KCNAB1: variants seen among roughly 807,000 people sequenced by gnomAD.
KCNAB1 encodes the protein potassium voltage-gated channel subfamily A regulatory beta subunit 1.
A neutral mutation model predicts 64.6 loss-of-function variants in KCNAB1; 35 were observed. The observed-to-expected ratio is 0.54, with a 90% confidence interval of 0.41 to 0.72. The LOEUF (loss-of-function observed/expected upper bound fraction) is 0.72. Among genes scored for constraint, KCNAB1 ranks in the 30% least tolerant of loss-of-function variants. The pLI, the probability that KCNAB1 is intolerant of heterozygous loss-of-function variation, is 0.00. For synonymous variants in KCNAB1, 177 were observed against 183.8 expected (o/e 0.96, Z 0.30); for missense variants, 401 against 512.9 (o/e 0.78, Z 2.11).
chr3:156,444,852 G>T (rs2108266605), intron 2 of KCNAB1, among the ~76,000 whole-genome samples: 1 of 152,302 alleles, frequency 6.6e-6, no homozygotes. Flanking sequence ...TCCCGTGATT[G>T]CCAGGGTGCA....
At chr3:156,346,009 G>T (rs1724457641) in intron 1 of KCNAB1, among the ~76,000 whole-genome samples, 1 of 151,962 alleles carries the variant, frequency 6.6e-6, no homozygotes, top group South Asian at 2.1e-4. Context: ...TAAATTAGAT[G>T]AATATTTAGC....
chr3:156,331,071 C>T (rs547851194), intron 1 of KCNAB1, among the ~76,000 whole-genome samples: 38 of 152,306 alleles, frequency 2.5e-4, no homozygotes, highest in South Asian at 1.0e-3. Flanking sequence ...GGATGTGGCT[C>T]TGCCCTCAGG....
chr3:156,259,234 T>C (rs1293528836), intron 1 of KCNAB1, among the ~76,000 whole-genome samples: 3 of 152,206 alleles, frequency 2.0e-5, no homozygotes, highest in Admixed American at 6.5e-5. Context: ...GGCACCTTGT[T>C]CTCTGCCCTG....
At chr3:156,206,522 C>T (rs1233306742) in intron 1 of KCNAB1, among the ~76,000 whole-genome samples, 1 of 152,140 alleles carries the variant, frequency 6.6e-6, no homozygotes, top group Non-Finnish European at 1.5e-5. Context: ...TCAGTGAACC[C>T]CCAAATCAGG....
chr3:156,238,675 T>C (rs1426624093), intron 1 of KCNAB1, among the ~76,000 whole-genome samples: 1 of 152,232 alleles, frequency 6.6e-6, no homozygotes, highest in East Asian at 1.9e-4. Context: ...TGTAATTTCT[T>C]ACCAGTTTTG....
At chr3:156,329,464 G>A (rs1243644181) in intron 1 of KCNAB1, among the ~76,000 whole-genome samples, 3 of 152,062 alleles carry the variant, frequency 2.0e-5, no homozygotes, top group South Asian at 2.1e-4. Context: ...AGGGATCCCC[G>A]GGAGAGAACC....
chr3:156,160,830 T>C (rs1028798725), intron 1 of KCNAB1, among the ~76,000 whole-genome samples: 10 of 152,196 alleles, frequency 6.6e-5, no homozygotes, highest in African/African-American at 2.4e-4. Flanking sequence ...ACACGTACAT[T>C]AAGAGGTTGT....
At chr3:156,165,918 C>T (rs544759271) in intron 1 of KCNAB1, among the ~76,000 whole-genome samples, 2 of 152,274 alleles carry the variant, frequency 1.3e-5, no homozygotes, top group Non-Finnish European at 2.9e-5. Context: ...CTTGTTGGAT[C>T]ACAGAGTAGT....
intron 2 of KCNAB1, among the ~76,000 whole-genome samples, chr3:156,432,609 GA>G (rs1716301552): frequency 6.6e-6 from 1 of 152,206 alleles, no homozygotes; most frequent in Admixed American, 6.5e-5. Flanking sequence ...GTCTAACCAT[GA>G]GGATTTCTTT....
At chr3:156,330,380 A>G (rs1224965113) in intron 1 of KCNAB1, among the ~76,000 whole-genome samples, 4 of 152,054 alleles carry the variant, frequency 2.6e-5, no homozygotes, top group Admixed American at 1.3e-4. Context: ...TCTCTTTACC[A>G]TGATTGCTCT....
intron 1 of KCNAB1, among the ~76,000 whole-genome samples, chr3:156,314,765 C>A (rs533100035): frequency 6.6e-6 from 1 of 152,354 alleles, no homozygotes; most frequent in Non-Finnish European, 1.5e-5. Flanking sequence ...GTAATCCCAG[C>A]ACTTTGGGAG....
chr3:156,298,072 G>A (rs955856542), intron 1 of KCNAB1, among the ~76,000 whole-genome samples: 3 of 152,138 alleles, frequency 2.0e-5, no homozygotes, highest in Non-Finnish European at 4.4e-5. Context: ...GTGAGAATGG[G>A]GAGGTGGAAG....
Position 156,375,887 on chromosome 3 carries a change from T to C in KCNAB1, c.276-45729T>C. ...CAGGCTGGAGTGCAATGGCACAATC[T>C]CGGCTCATTGCAACCATCCCCTCCT... is the stretch of plus-strand genomic sequence containing the variant. On this transcript the variant is annotated intron_variant, in intron 1 of 13. Transcript: ENST00000490337. Among the ~76,000 whole-genome samples the C allele has an allele frequency of 2.3e-5, 2 of 85,294 alleles. 1 individual carries two copies. The allele number at this position is 85,294 out of a possible 152,430, so 56.0% of individuals were successfully genotyped here. A position where few individuals can be genotyped will look rare whatever the true frequency, so the allele number is the denominator to read the frequency against.
At chr3:156,201,541 C>T (rs1404300860) in intron 1 of KCNAB1, among the ~76,000 whole-genome samples, 1 of 152,220 alleles carries the variant, frequency 6.6e-6, no homozygotes, top group Non-Finnish European at 1.5e-5. Flanking sequence ...CTGCTGTTTT[C>T]CTTGCCTAGT....
chr3:156,177,067 A>G (rs1044589035), intron 1 of KCNAB1, among the ~76,000 whole-genome samples: 2 of 152,118 alleles, frequency 1.3e-5, no homozygotes, highest in Non-Finnish European at 2.9e-5. Flanking sequence ...GCTACTCCAC[A>G]GCTTTTTGAA....
At chr3:156,209,934 A>G (rs1416420261) in intron 1 of KCNAB1, among the ~76,000 whole-genome samples, 1 of 152,212 alleles carries the variant, frequency 6.6e-6, no homozygotes, top group Non-Finnish European at 1.5e-5. Context: ...CGCATTAGAC[A>G]TTAGAGACAA....
chr3:156,200,276 T>G (rs1018720013), intron 1 of KCNAB1, among the ~76,000 whole-genome samples: 1 of 152,182 alleles, frequency 6.6e-6, no homozygotes, highest in Non-Finnish European at 1.5e-5. Context: ...CTAGGAGGTG[T>G]CTCCCAGTTA....
rs2108357845 is a variant in KCNAB1, at chr3:156,495,237, A to G, written c.659-19127A>G. On this transcript the variant is annotated intron_variant, in intron 8 of 13. Coordinates refer to ENST00000490337, the MANE Select transcript of KCNAB1 (RefSeq NM_172160.3). ...TTGTGGCTGTATAGTATTCCATGGT[A>G]TGTGAGGTTGTGAAGAAAAAGGAAT... Among the ~76,000 whole-genome samples the G allele has an allele frequency of 2.0e-5, 3 of 152,156 alleles. No homozygotes were observed. In the South Asian group the frequency reaches 6.2e-4, roughly 32 times the overall value.
chr3:156,299,474 C>T (rs562311042), intron 1 of KCNAB1, among the ~76,000 whole-genome samples: 1 of 152,286 alleles, frequency 6.6e-6, no homozygotes, highest in Non-Finnish European at 1.5e-5. Flanking sequence ...AAAGCACAGG[C>T]TTCTCAGGAA....
Sources: allele counts gnomAD v4.1 joint callset (sites outside exome capture counted in the v4.1 genomes callset), GRCh38; gene constraint gnomAD v4.1.1; transcripts MANE v1.5; gene names NCBI Gene and HGNC (gene_info 2026-07-23, HGNC 2026-07-21).